PTGIS: variants seen among roughly 807,000 people sequenced by gnomAD.
PTGIS encodes prostaglandin I2 synthase, also known as prostacyclin synthase.
A neutral mutation model predicts 50.3 loss-of-function variants in PTGIS; 45 were observed. The observed-to-expected ratio is 0.90, with a 90% CI of 0.70 to 1.15. The LOEUF is 1.15. Ranked by LOEUF, PTGIS falls within the 50% of genes most tolerant of loss-of-function variation. The pLI is 0.00. For synonymous variants in PTGIS, 260 were observed against 267.7 expected (o/e 0.97, Z 0.28); for missense variants, 668 against 661.3 (o/e 1.01, Z -0.11).
rs544188862 is a variant in PTGIS at position 49,555,434 on chromosome 20, A to G, written c.75-5245T>C. Among the ~76,000 whole-genome samples, 75 of 152,318 alleles carry G rather than the reference A, an allele frequency of 4.9e-4. No individual in the cohort carries two copies. The South Asian group carries it at 6.0e-3, about 12-fold the overall frequency. ...CAAACTTTCCAAAATAAAATAGTCA[A>G]TTCAGTCCTTTTGACCTCATTAATT... On this transcript the variant is annotated intron_variant, in intron 1 of 9. Transcript: ENST00000244043.
At chr20:49,523,159 A>G (rs1278367812) in intron 6 of PTGIS, among the ~76,000 whole-genome samples, 1 of 152,262 alleles carries the variant, frequency 6.6e-6, no homozygotes, top group Non-Finnish European at 1.5e-5. Context: ...ACTGGAATAC[A>G]GATTGTTTAT....
At position 49,544,352 on chromosome 20, in the gene PTGIS, G is replaced by A. The variant is rs1467619941; in HGVS notation, c.474C>T (p.Gly158=). The change falls in exon 4 of 10, where the codon GGC becomes GGT. Residue 158 remains glycine (G), a synonymous_variant. Transcript: ENST00000244043. ...AGTCGAGGAGACCCATCTCGTGCCA[G>A]CCACTGCCTGCTTCTGTAGCATCGC... is the stretch of plus-strand genomic sequence containing the variant. ...LLGDATEAGS[G]WHEMGLLDFS... 1 of 1,614,178 alleles carries A rather than the reference G, an allele frequency of 6.2e-7. No individual in the cohort carries two copies. Among genetic ancestry groups the A allele is most frequent in the Non-Finnish European group, 8.5e-7 (1 of 1,180,024 alleles).
intron 1 of PTGIS, among the ~76,000 whole-genome samples, chr20:49,553,908 G>A (rs1982567643): frequency 6.6e-6 from 1 of 151,902 alleles, no homozygotes; most frequent in South Asian, 2.1e-4. Context: ...GTCATAATAA[G>A]GTTTATAAAA....
At chr20:49,554,784 C>CT (rs1857937126) in intron 1 of PTGIS, among the ~76,000 whole-genome samples, 1 of 152,214 alleles carries the variant, frequency 6.6e-6, no homozygotes, top group Admixed American at 6.5e-5. Flanking sequence ...ACAAGGTTTT[C>CT]TTGAAGCATT....
At chr20:49,534,421 C>T (rs1327909484) in intron 5 of PTGIS, among the ~76,000 whole-genome samples, 1 of 152,218 alleles carries the variant, frequency 6.6e-6, no homozygotes, top group Non-Finnish European at 1.5e-5. Flanking sequence ...CACATTGCCA[C>T]CTGCTGCTCA....
chr20:49,559,779 G>C lies in PTGIS; in HGVS notation c.74+8264C>G, dbSNP rs548072303. On this transcript the variant is annotated intron_variant, in intron 1 of 9. Coordinates refer to ENST00000244043, the MANE Select transcript of PTGIS (RefSeq NM_000961.4). ...AATAGAGATAGAAAGTACATTAGTG[G>C]TTGCCCAGGGCTGGAGGAGGGGGAA... Among the ~76,000 whole-genome samples, 106 of 152,272 alleles carry C rather than the reference G, an allele frequency of 7.0e-4. 1 individual carries two copies. Among genetic ancestry groups the C allele is most frequent in the African/African-American group, 2.4e-3 (101 of 41,554 alleles).
intron 4 of PTGIS, among the ~76,000 whole-genome samples, chr20:49,543,992 T>C (rs897800305): frequency 2.6e-5 from 4 of 152,352 alleles, no homozygotes; most frequent in East Asian, 1.9e-4. Flanking sequence ...CATTTTGTTT[T>C]CTGTTCTGTG....
chr20:49,518,482 A>G (rs948002139), intron 6 of PTGIS, among the ~76,000 whole-genome samples: 2 of 152,242 alleles, frequency 1.3e-5, no homozygotes, highest in Admixed American at 6.5e-5. Flanking sequence ...CAATGTGAAT[A>G]AAGTATAGAC....
At chr20:49,535,640 A>C (rs892866301) in intron 5 of PTGIS, among the ~76,000 whole-genome samples, 9 of 152,116 alleles carry the variant, frequency 5.9e-5, no homozygotes, top group African/African-American at 1.7e-4. Context: ...TCAGCCTCCC[A>C]AGTAGGTGGG....
intron 3 of PTGIS, 48 bp downstream of exon 3, chr20:49,547,793 G>T: frequency 6.3e-7 from 1 of 1,594,506 alleles, no homozygotes; most frequent in South Asian, 1.1e-5. Flanking sequence ...GAGTAGAAAT[G>T]AGTCGCCCAC....
At chr20:49,535,754 G>T (rs1449690959) in intron 5 of PTGIS, among the ~76,000 whole-genome samples, 2 of 152,192 alleles carry the variant, frequency 1.3e-5, no homozygotes, top group African/African-American at 4.8e-5. Flanking sequence ...GACCTCAAGT[G>T]ATCTACCTGT....
intron 5 of PTGIS, among the ~76,000 whole-genome samples, chr20:49,530,303 C>T (rs997086390): frequency 1.3e-5 from 2 of 152,102 alleles, no homozygotes; most frequent in Admixed American, 1.3e-4. Flanking sequence ...GCCATTGTAC[C>T]ACTATCTCTG....
intron 9 of PTGIS, among the ~76,000 whole-genome samples, chr20:49,509,902 T>C (rs1336654856): frequency 3.0e-4 from 40 of 133,094 alleles, no homozygotes; most frequent in East Asian, 2.1e-4. Flanking sequence ...TTTTTTTTTT[T>C]TCTGGAGACA....
chr20:49,562,227 A>C (rs1982794397), intron 1 of PTGIS, among the ~76,000 whole-genome samples: 1 of 152,180 alleles, frequency 6.6e-6, no homozygotes, highest in Non-Finnish European at 1.5e-5. Flanking sequence ...GATATTCCAG[A>C]GACCTACTCA....
Position 49,568,085 on chromosome 20 carries a change from G to A in PTGIS, c.32C>T (p.Ala11Val), listed in dbSNP as rs927435797. 6.8e-7 allele frequency: 1 copy of A among 1,469,782 alleles called. No individual in the cohort carries two copies. The highest frequency in any genetic ancestry group is 9.0e-7 in the Non-Finnish European group (1 of 1,116,436). The allele number at this position is 1,469,782 out of a possible 1,614,324, so 91.0% of individuals were successfully genotyped here. ...CAGTAGCAGCAGCAGCAACAGTGCG[G>A]CCAGGAGGCCGAGGAGCGCGGCCCA... The part of the protein sequence containing the change: MAWAALLGLL[A>V]ALLLLLLLSR... Residue 11 changes from alanine (A) to valine (V), a missense_variant, in exon 1 of 10, where the codon GCC becomes GTC. Transcript: ENST00000244043.
At chr20:49,553,327 T>C (rs1982556076) in intron 1 of PTGIS, among the ~76,000 whole-genome samples, 1 of 152,070 alleles carries the variant, frequency 6.6e-6, no homozygotes, top group Non-Finnish European at 1.5e-5. Context: ...TCCTGAGTTA[T>C]TGGCAAAAAA....
intron 6 of PTGIS, among the ~76,000 whole-genome samples, chr20:49,515,915 C>G (rs1335301372): frequency 6.6e-6 from 1 of 151,898 alleles, no homozygotes; most frequent in East Asian, 1.9e-4. Context: ...GGGTCTTGCT[C>G]TGTCACCCAG....
intron 1 of PTGIS, among the ~76,000 whole-genome samples, chr20:49,552,119 C>A (rs1253020457): frequency 6.6e-6 from 1 of 151,948 alleles, no homozygotes; most frequent in Non-Finnish European, 1.5e-5. Context: ...CCTCTCAGAT[C>A]TTAAACTGAT....
Position 49,539,642 on chromosome 20 carries a change from C to T in PTGIS, c.601G>A (p.Ala201Thr), listed in dbSNP as rs1456384079. The T allele has an allele frequency of 6.2e-7, 1 of 1,614,016 alleles. No individual in the cohort carries two copies. Among genetic ancestry groups the T allele is most frequent in the Non-Finnish European group, 8.5e-7 (1 of 1,179,998 alleles). ...ESQAQDRVHS[A>T]DVFHTFRQLD... ...TGGCGAAAGGTGTGGAAGACATCAG[C>T]TGAGTGGACGCGGTCCTGGGCCTGG... is the stretch of plus-strand genomic sequence containing the variant. The change falls in exon 5 of 10, where the codon GCT (alanine) becomes ACT (threonine). Residue 201 changes from alanine (A) to threonine (T), a missense_variant. By Grantham distance (58) the Ala-to-Thr change is moderately conservative (BLOSUM62 0). Coordinates refer to ENST00000244043, the MANE Select transcript of PTGIS (RefSeq NM_000961.4).
Sources: gnomAD v4.1 joint callset for allele counts (sites outside exome capture counted in the v4.1 genomes callset) on GRCh38, gnomAD v4.1.1 for gene constraint, MANE v1.5 for transcripts, NCBI Gene and HGNC (gene_info 2026-07-23, HGNC 2026-07-21) for gene names.